The following MKLN1 variants were observed in gnomAD, a reference collection of about 807,000 sequenced individuals.
The protein encoded by MKLN1 is muskelin 1.
A neutral mutation model predicts 99.0 loss-of-function variants in MKLN1; 18 were observed. That is an observed-to-expected ratio of 0.18 (90% CI 0.13 to 0.27). MKLN1 has a LOEUF of 0.27. Among genes scored for constraint, MKLN1 ranks in the 10% least tolerant of loss-of-function variants. The pLI is 1.00. For synonymous variants in MKLN1, 288 were observed against 293.2 expected, an observed-to-expected ratio of 0.98 and a Z score of 0.18; for missense variants, 621 against 875.9, an observed-to-expected ratio of 0.71 and a Z score of 3.67.
chr7:131,321,346 T>A (rs1393939974), intron 3 of MKLN1, among the ~76,000 whole-genome samples: 1 of 152,138 alleles, frequency 6.6e-6, no homozygotes, highest in Non-Finnish European at 1.5e-5. Context: ...AAACACCACA[T>A]GTTCTCACTA....
At chr7:131,188,320 T>G (rs1796482734) in intron 2 of MKLN1, among the ~76,000 whole-genome samples, 1 of 152,260 alleles carries the variant, frequency 6.6e-6, no homozygotes, top group Non-Finnish European at 1.5e-5. Flanking sequence ...TTGCATGGCA[T>G]ATAACAGCTA....
Position 131,328,021 on chromosome 7 carries a change from T to C in MKLN1, c.98+24T>C, listed in dbSNP as rs370670725. On this transcript the variant is annotated intron_variant, in intron 1 of 17. Coordinates refer to ENST00000352689, the MANE Select transcript of MKLN1 (RefSeq NM_013255.5). ...GAGTAAGTGCCGGGCCTTGAGCTCG[T>C]GCTGCCCCACCCTTCCGCGTCAGCA... The C allele has an allele frequency of 8.7e-6, 14 of 1,612,532 alleles. No individual in the cohort carries two copies. The African/African-American group carries it at 1.6e-4, about 18-fold the overall frequency.
At chr7:131,362,616 G>C (rs998473513) in intron 1 of MKLN1, among the ~76,000 whole-genome samples, 1 of 151,802 alleles carries the variant, frequency 6.6e-6, no homozygotes, top group Non-Finnish European at 1.5e-5. Flanking sequence ...ATATTTTTTT[G>C]TCGAGTCCAA....
At chr7:131,150,064 G>A (rs1795867354) in intron 2 of MKLN1, among the ~76,000 whole-genome samples, 2 of 152,060 alleles carry the variant, frequency 1.3e-5, no homozygotes, top group Non-Finnish European at 1.5e-5. Flanking sequence ...TCTTTGCTCT[G>A]ATAGTTGCCT....
chr7:131,438,346 C>T (rs1207655799), intron 10 of MKLN1, among the ~76,000 whole-genome samples: 4 of 151,238 alleles, frequency 2.6e-5, no homozygotes, highest in Non-Finnish European at 5.9e-5. Context: ...ATTCTACATT[C>T]CTGTGAGAAA....
chr7:131,197,298 G>A (rs1796661522), intron 2 of MKLN1, among the ~76,000 whole-genome samples: 2 of 151,364 alleles, frequency 1.3e-5, no homozygotes, highest in Non-Finnish European at 2.9e-5. Flanking sequence ...TGACCTCTTG[G>A]GCTCGAGCAA....
intron 3 of MKLN1, among the ~76,000 whole-genome samples, chr7:131,280,517 T>C (rs1798034899): frequency 6.6e-6 from 1 of 152,264 alleles, no homozygotes; most frequent in Non-Finnish European, 1.5e-5. Context: ...GATGTCTCAC[T>C]GTGATTTTGA....
chr7:131,238,660 C>A (rs1169079697), intron 3 of MKLN1, among the ~76,000 whole-genome samples: 1 of 152,200 alleles, frequency 6.6e-6, no homozygotes, highest in Non-Finnish European at 1.5e-5. Context: ...ATGGCTGAAG[C>A]CTGAAAGAAA....
At chr7:131,380,259 T>C (rs1403519224) in intron 2 of MKLN1, among the ~76,000 whole-genome samples, 2 of 152,218 alleles carry the variant, frequency 1.3e-5, no homozygotes, top group Non-Finnish European at 2.9e-5. Context: ...ACCCTAGGCA[T>C]GTAGTTACTT....
intron 3 of MKLN1, among the ~76,000 whole-genome samples, chr7:131,228,781 CATT>C (rs1422800830): frequency 2.6e-5 from 4 of 152,222 alleles, no homozygotes; most frequent in African/African-American, 7.2e-5. Flanking sequence ...ATTTTCCCAT[CATT>C]AACACAACCT....
intron 4 of MKLN1, among the ~76,000 whole-genome samples, chr7:131,394,000 T>C (rs1794281982): frequency 6.6e-6 from 1 of 150,776 alleles, no homozygotes; most frequent in African/African-American, 2.5e-5. Context: ...ATATAGACTA[T>C]ATTCTTGGTG....
intron 12 of MKLN1, among the ~76,000 whole-genome samples, chr7:131,459,326 G>A (rs1040319454): frequency 6.6e-6 from 1 of 152,194 alleles, no homozygotes; most frequent in Admixed American, 6.5e-5. Context: ...AAAGGCAGAG[G>A]AAAGTTGGAT....
chr7:131,468,411 TA>T (rs1796718790), intron 15 of MKLN1, among the ~76,000 whole-genome samples: 1 of 152,224 alleles, frequency 6.6e-6, no homozygotes, highest in African/African-American at 2.4e-5. Context: ...TAAGCAGATT[TA>T]TTTTTTTATA....
rs544205469 is a variant in MKLN1 at position 131,446,899 on chromosome 7, C to T, written c.1525+996C>T. 3.9e-5 allele frequency among the ~76,000 whole-genome samples: 6 copies of T among 152,232 alleles called. No homozygotes were observed. In the South Asian group the frequency reaches 8.3e-4, roughly 21 times the overall value. On this transcript the variant is annotated intron_variant, in intron 12 of 17. Coordinates refer to ENST00000352689, the MANE Select transcript of MKLN1 (RefSeq NM_013255.5). The stretch of plus-strand genomic sequence containing the variant: ...CCAGCCTGAGCAACAAAGCAAGACC[C>T]TGTCTCTACAAAAAGGAGGTTTCCA...
chr7:131,414,313 T>C (rs976214280), intron 7 of MKLN1, among the ~76,000 whole-genome samples: 1 of 152,182 alleles, frequency 6.6e-6, no homozygotes, highest in African/African-American at 2.4e-5. Flanking sequence ...GTTTTTGACC[T>C]TCACTTTGGC....
At chr7:131,374,939 CTTT>C (rs201782235) in intron 1 of MKLN1, among the ~76,000 whole-genome samples, 6 of 136,728 alleles carry the variant, frequency 4.4e-5, no homozygotes, top group Admixed American at 7.4e-5. Flanking sequence ...ACCCTGAAGT[CTTT>C]TTTTTTTTTT....
intron 2 of MKLN1, among the ~76,000 whole-genome samples, chr7:131,163,715 A>T (rs1563236874): frequency 6.6e-6 from 1 of 152,178 alleles, no homozygotes; most frequent in African/African-American, 2.4e-5. Context: ...TAAAATATAT[A>T]TTTTAACTTG....
intron 1 of MKLN1, among the ~76,000 whole-genome samples, chr7:131,110,663 C>T (rs1375279411): frequency 6.6e-6 from 1 of 152,200 alleles, no homozygotes; most frequent in Non-Finnish European, 1.5e-5. Flanking sequence ...TGGCCTTGGA[C>T]AAACAGCCTC....
intron 14 of MKLN1, among the ~76,000 whole-genome samples, chr7:131,464,890 A>T (rs1015987501): frequency 6.6e-6 from 1 of 152,174 alleles, no homozygotes. Flanking sequence ...TTTTAGTGTC[A>T]TAGTGTTGAG....
Sources: allele counts gnomAD v4.1 joint callset (sites outside exome capture counted in the v4.1 genomes callset), GRCh38; gene constraint gnomAD v4.1.1; transcripts MANE v1.5; gene names NCBI Gene and HGNC (gene_info 2026-07-23, HGNC 2026-07-21).